The following BRSK2 variants were observed in gnomAD, a reference collection of about 807,000 sequenced individuals.
BRSK2 encodes BR serine/threonine kinase 2.
A neutral mutation model predicts 83.3 loss-of-function variants in BRSK2; 19 were observed. The ratio of observed to expected loss-of-function variants is 0.23; its 90% CI spans 0.16 to 0.33. BRSK2 has a LOEUF of 0.33. Ranked by LOEUF, BRSK2 falls within the 10% of genes least tolerant of loss-of-function variation. BRSK2 has a pLI of 1.00. For missense variants in BRSK2, 798 were observed against 1,042.3 expected, an observed-to-expected ratio of 0.77 and a Z score of 3.23; for synonymous variants, 519 against 435.4, an observed-to-expected ratio of 1.19 and a Z score of -2.39.
chr11:1,411,693 G>A (rs2134119336), intron 1 of BRSK2: 1 of 1,531,674 alleles, frequency 6.5e-7, no homozygotes, highest in Middle Eastern at 2.3e-4. Context: ...GTTCATGTGT[G>A]AGGGATGCAG....
At position 1,436,058 on chromosome 11, in the gene BRSK2, T is replaced by G; in HGVS notation, c.110T>G (p.Val37Gly). Residue 37 changes from valine to glycine, a missense_variant, in exon 2 of 20, where the codon GTT (valine) becomes GGT (glycine). Coordinates refer to ENST00000528841, the MANE Select transcript of BRSK2 (RefSeq NM_001256627.2). ...KGQTGLVKLGVHCVTCQKVAI... is the reference protein window; with the variant it reads ...KGQTGLVKLGGHCVTCQKVAI... Reference sequence around the variant, plus strand: ...CCCGCAGGTCTGGTGAAGCTGGGGGTTCACTGCGTCACCTGCCAGAAGGTG... The same window carrying G: ...CCCGCAGGTCTGGTGAAGCTGGGGGGTCACTGCGTCACCTGCCAGAAGGTG... 6.2e-7 allele frequency: 1 copy of G among 1,605,400 alleles called. No homozygotes were observed. Among genetic ancestry groups the G allele is most frequent in the East Asian group, 2.3e-5 (1 of 44,348 alleles).
Position 1,460,550 on chromosome 11 carries a change from GAGA to G in BRSK2, c.2043_2045del (p.Lys681del). On this transcript the variant is annotated inframe_deletion, in exon 20 of 20. Coordinates refer to ENST00000528841, the MANE Select transcript of BRSK2 (RefSeq NM_001256627.2). ...CGTAATTAAACAACTTTTTTCAGAC[GAGA>G]AGAACGGGCAGGCGGCCCAGGCCCC... 7 of 1,518,830 alleles carry G rather than the reference GAGA, an allele frequency of 4.6e-6. No individual in the cohort carries two copies. Among genetic ancestry groups the G allele is most frequent in the Non-Finnish European group, 6.1e-6 (7 of 1,139,188 alleles). 94.1% of individuals were successfully genotyped at this position (1,518,830 alleles called of 1,614,324 possible).
chr11:1,454,481 C>A lies in BRSK2; in HGVS notation c.1545-4C>A. On this transcript the variant is annotated splice_region_variant and splice_polypyrimidine_tract_variant and intron_variant, in intron 15 of 19. Coordinates refer to ENST00000528841, the MANE Select transcript of BRSK2 (RefSeq NM_001256627.2). The surrounding 1 kb of genome is among the most constrained non-coding windows in gnomAD (Gnocchi z 5.2). Reference sequence around the variant, plus strand: ...CCTCACAGCCTCTGTCTCCCACTGCCCAGGCTGGCGAAGAAGTCCTGGTTT... The same window carrying A: ...CCTCACAGCCTCTGTCTCCCACTGCACAGGCTGGCGAAGAAGTCCTGGTTT... 6.2e-7 allele frequency: 1 copy of A among 1,612,896 alleles called. No homozygotes were observed. The highest frequency in any genetic ancestry group is 8.5e-7 in the Non-Finnish European group (1 of 1,179,848).
chr11:1,433,416 A>G (rs1849851684), intron 1 of BRSK2, among the ~76,000 whole-genome samples: 1 of 152,172 alleles, frequency 6.6e-6, no homozygotes, highest in Non-Finnish European at 1.5e-5. Flanking sequence ...TTTCTGGGTC[A>G]TTTCCTCCCT....
rs1367839106 is a variant in BRSK2 at position 1,460,816 on chromosome 11, C to CCCGT, written c.*100_*103dup. On this transcript the variant is annotated 3_prime_UTR_variant, in exon 20 of 20. Coordinates refer to ENST00000528841, the MANE Select transcript of BRSK2 (RefSeq NM_001256627.2). ...CCCGAGTGGACCCGCGGCCGCGCCG[C>CCCGT]CCGTCCGTCCAGACTGTTCTCAGAG... is the stretch of plus-strand genomic sequence containing the variant. The CCCGT allele has an allele frequency of 1.3e-5, 19 of 1,487,258 alleles. 1 individual carries two copies. In the South Asian group the frequency reaches 1.8e-4, roughly 14 times the overall value. The allele number at this position is 1,487,258 out of a possible 1,614,324, so 92.1% of individuals were successfully genotyped here.
chr11:1,454,071 T>A lies in BRSK2; in HGVS notation c.1545-414T>A, dbSNP rs1846149938. ...TCCCCACTCTCCTGTTGGAAGCGAG[T>A]TGCAGGCCCCGCCTGCTCCTGGGGG... On this transcript the variant is annotated intron_variant, in intron 15 of 19. Transcript: ENST00000528841. This position sits in a 1 kb window ranked among gnomAD's most constrained non-coding sequence, Gnocchi z 5.2. 6.2e-6 allele frequency: 1 copy of A among 160,412 alleles called. No homozygotes were observed. Among genetic ancestry groups the A allele is most frequent in the South Asian group, 1.8e-4 (1 of 5,538 alleles). The allele number at this position is 160,412 out of a possible 1,614,324, so 9.9% of individuals were successfully genotyped here. A position where few individuals can be genotyped will look rare whatever the true frequency, so the allele number is the denominator to read the frequency against.
At chr11:1,443,931 T>C (rs1242210300) in intron 8 of BRSK2, among the ~76,000 whole-genome samples, 1 of 152,170 alleles carries the variant, frequency 6.6e-6, no homozygotes, top group East Asian at 1.9e-4. Context: ...GGTGCACAAA[T>C]GTAGGCACAT....
intron 1 of BRSK2, among the ~76,000 whole-genome samples, chr11:1,392,239 G>A (rs931384335): frequency 1.3e-5 from 2 of 152,214 alleles, no homozygotes; most frequent in African/African-American, 4.8e-5. Context: ...AAGCTCAAGA[G>A]GGAGATAGGC....
chr11:1,425,664 C>A (rs1849129270), intron 1 of BRSK2, among the ~76,000 whole-genome samples: 1 of 152,164 alleles, frequency 6.6e-6, no homozygotes, highest in African/African-American at 2.4e-5. Flanking sequence ...CCATCCCGAG[C>A]CCCCCACACC....
At chr11:1,450,908 T>G (rs931450920) in intron 14 of BRSK2, 114 bp downstream of exon 14, 2 of 1,069,558 alleles carry the variant, frequency 1.9e-6, no homozygotes, top group African/African-American at 3.3e-5. Context: ...GCTGCAGGGG[T>G]GGCCTGGGCC....
In BRSK2 at chr11:1,390,573, C is replaced by T. The variant is rs1452362959; in HGVS notation, c.91+198C>T. 7.1e-6 allele frequency among the ~76,000 whole-genome samples: 1 copy of T among 141,762 alleles called. No homozygotes were observed. The highest frequency in any genetic ancestry group is 2.5e-5 in the African/African-American group (1 of 39,806). The allele number at this position is 141,762 out of a possible 152,430, so 93.0% of individuals were successfully genotyped here. ...GCGGATCCCGCAGGCCGCTTGGCTG[C>T]GGTCGGCCGGGCGCGGCCCAAGGAC... is the stretch of plus-strand genomic sequence containing the variant. On this transcript the variant is annotated intron_variant, in intron 1 of 19. Transcript: ENST00000528841. The surrounding 1 kb of genome is among the most constrained non-coding windows in gnomAD (Gnocchi z 6.8).
At position 1,460,001 on chromosome 11, in the gene BRSK2, C is replaced by T. The variant is rs539779499; in HGVS notation, c.1988-499C>T. 4.5e-3 allele frequency among the ~76,000 whole-genome samples: 682 copies of T among 151,750 alleles called. 20 individuals are homozygous for T. The highest frequency in any genetic ancestry group is 1.0e-3 in the Non-Finnish European group (71 of 67,946). On this transcript the variant is annotated intron_variant, in intron 19 of 19. Transcript: ENST00000528841. ...GCCAGCAGCTGCCCCCAGGGTCCTG[C>T]GAGGCTTCAGAGCTCCCAGCAGGCC...
At chr11:1,448,605 TCGACAGGAA>T in intron 12 of BRSK2, among the ~76,000 whole-genome samples, 1 of 152,070 alleles carries the variant, frequency 6.6e-6, no homozygotes, top group East Asian at 1.9e-4. Context: ...CTGGGCGGGC[TCGACAGGAA>T]CCACAGGTCC....
intron 1 of BRSK2, among the ~76,000 whole-genome samples, chr11:1,407,235 G>T (rs905378552): frequency 2.0e-5 from 3 of 152,152 alleles, no homozygotes; most frequent in Non-Finnish European, 2.9e-5. Context: ...CCCTCTCTGA[G>T]CTTGGTGTGG....
intron 1 of BRSK2, among the ~76,000 whole-genome samples, chr11:1,413,962 C>T (rs775495570): frequency 7.9e-5 from 12 of 152,240 alleles, no homozygotes; most frequent in African/African-American, 1.9e-4. Flanking sequence ...GGACACACAG[C>T]GCCAGCCACT....
chr11:1,411,772 C>T (rs549812009), intron 1 of BRSK2: 43 of 1,257,238 alleles, frequency 3.4e-5, no homozygotes, highest in East Asian at 2.6e-4. Context: ...GCCAGCTGTG[C>T]GGGTTCCTAC....
intron 6 of BRSK2, 46 bp from the exon 7 acceptor site, chr11:1,443,289 C>T (rs540434815): frequency 3.6e-5 from 57 of 1,565,438 alleles, no homozygotes; most frequent in Non-Finnish European, 4.2e-5. Context: ...CCAAGGCCCC[C>T]GCCCTGCCCT....
At position 1,446,387 on chromosome 11, in the gene BRSK2, G is replaced by A. The variant is rs183635221; in HGVS notation, c.1226+480G>A. Among the ~76,000 whole-genome samples the A allele has an allele frequency of 5.1e-4, 77 of 150,102 alleles. No homozygotes were observed. The East Asian group carries it at 0.015, about 28-fold the overall frequency. On this transcript the variant is annotated intron_variant, in intron 12 of 19. Transcript: ENST00000528841. The stretch of plus-strand genomic sequence containing the variant: ...GCTGGGCTGAGCTGGGCAGGGCTGG[G>A]CTGGGCTAAACTGGATTTGGCTGAG...
At position 1,445,528 on chromosome 11, in the gene BRSK2, G is replaced by T. The variant is rs746429136; in HGVS notation, c.978-43G>T. On this transcript the variant is annotated intron_variant, in intron 10 of 19. Transcript: ENST00000528841. ...GGAGCGCTGCCCCGGAGGAGCCGGC[G>T]GCCCCGTGTGCCAGCGCGTCTCGCG... The T allele has an allele frequency of 2.5e-6, 4 of 1,600,820 alleles. No homozygotes were observed. The African/African-American group carries it at 4.0e-5, about 16-fold the overall frequency.
Sources: gnomAD v4.1 joint callset for allele counts (sites outside exome capture counted in the v4.1 genomes callset) on GRCh38, gnomAD v4.1.1 for gene constraint, Gnocchi (gnomAD v3.1) non-coding constraint, MANE v1.5 for transcripts, NCBI Gene and HGNC (gene_info 2026-07-23, HGNC 2026-07-21) for gene names.